Variants in FXYD6 observed in about 807,000 individuals in gnomAD.
FXYD6 encodes FXYD domain containing ion transport regulator 6, also known as FXYD domain-containing ion transport regulator 6.
A neutral mutation model predicts 16.7 loss-of-function variants in FXYD6; 7 were observed. The observed-to-expected ratio is 0.42, with a 90% CI of 0.24 to 0.79. FXYD6 has a LOEUF of 0.79. Among genes scored for constraint, FXYD6 ranks in the 30% least tolerant of loss-of-function variants. The probability of loss-of-function intolerance (pLI) is 0.28; values close to 1 mark genes in which losing one functional copy is unlikely to be tolerated. For missense variants in FXYD6, 111 were observed against 116.2 expected, an observed-to-expected ratio of 0.95 and a Z score of 0.21; for synonymous variants, 49 against 43.0, an observed-to-expected ratio of 1.14 and a Z score of -0.54.
intron 1 of FXYD6, among the ~76,000 whole-genome samples, chr11:117,875,967 C>A (rs2057252427): frequency 6.6e-6 from 1 of 152,144 alleles, no homozygotes; most frequent in African/African-American, 2.4e-5. Flanking sequence ...TGGCGGACCC[C>A]AGGGCCCCCC....
At chr11:117,849,783 G>A (rs964095155) in intron 1 of FXYD6, among the ~76,000 whole-genome samples, 1 of 152,094 alleles carries the variant, frequency 6.6e-6, no homozygotes, top group African/African-American at 2.4e-5. Context: ...CCTCGCCACT[G>A]CATGCTGAAA....
chr11:117,850,560 T>C (rs2056585895), intron 1 of FXYD6, among the ~76,000 whole-genome samples: 1 of 152,276 alleles, frequency 6.6e-6, no homozygotes. Context: ...TTGTGACTAT[T>C]GATGTAGTTG....
At position 117,867,208 on chromosome 11, in the gene FXYD6, T is replaced by G. The variant is rs60296657; in HGVS notation, c.-6+9384A>C. 0.02 allele frequency among the ~76,000 whole-genome samples: 3,025 copies of G among 152,000 alleles called. 232 individuals are homozygous for G. The East Asian group carries it at 0.23, about 12-fold the overall frequency. ...TCCAGTAACCAAGTTAACAAATATT[T>G]ATTGATGGCCTAATGCTTTCCAGCA... On this transcript the variant is annotated intron_variant, in intron 1 of 7. Transcript: ENST00000526014.
At chr11:117,857,773 A>G (rs2134174863) in intron 1 of FXYD6, among the ~76,000 whole-genome samples, 1 of 152,190 alleles carries the variant, frequency 6.6e-6, no homozygotes, top group Non-Finnish European at 1.5e-5. Context: ...ATAGGGGGAG[A>G]GTGGTCTGAT....
At chr11:117,866,332 G>T (rs1419096591) in intron 1 of FXYD6, among the ~76,000 whole-genome samples, 1 of 152,090 alleles carries the variant, frequency 6.6e-6, no homozygotes, top group Non-Finnish European at 1.5e-5. Flanking sequence ...AAAAAACTGG[G>T]GGGGAAATGG....
chr11:117,838,634 C>A lies in FXYD6; in HGVS notation c.*22-357G>T, dbSNP rs1003455332. ...TGCCTCCTCTGAGCCTTCCCAGATT[C>A]TCAGTCTGTGATGAAATAGACAGAA... On this transcript the variant is annotated intron_variant, in intron 7 of 7. Transcript: ENST00000526014. 3.3e-5 allele frequency: 9 copies of A among 271,492 alleles called. No individual in the cohort carries two copies. In the East Asian group the frequency reaches 7.3e-4, roughly 22 times the overall value. The allele number at this position is 271,492 out of a possible 1,614,324, so 16.8% of individuals were successfully genotyped here. A position where few individuals can be genotyped will look rare whatever the true frequency, so the allele number is the denominator to read the frequency against.
intron 1 of FXYD6, among the ~76,000 whole-genome samples, chr11:117,865,893 G>C (rs1228006914): frequency 2.7e-5 from 4 of 150,938 alleles, no homozygotes; most frequent in African/African-American, 9.8e-5. Context: ...TTGCACTCCA[G>C]CCTGGGCGAC....
chr11:117,859,069 C>T (rs1164778378), intron 1 of FXYD6, among the ~76,000 whole-genome samples: 1 of 152,144 alleles, frequency 6.6e-6, no homozygotes, highest in Non-Finnish European at 1.5e-5. Flanking sequence ...AGCCACCACT[C>T]CCGGCCGATT....
intron 1 of FXYD6, among the ~76,000 whole-genome samples, chr11:117,858,491 C>A (rs1324840014): frequency 1.3e-5 from 2 of 152,050 alleles, no homozygotes; most frequent in African/African-American, 4.8e-5. Context: ...GGGGTAAGGA[C>A]CACACTCAGC....
chr11:117,875,046 G>T (rs904403459), intron 1 of FXYD6, among the ~76,000 whole-genome samples: 4 of 152,148 alleles, frequency 2.6e-5, no homozygotes, highest in African/African-American at 9.7e-5. Flanking sequence ...GGATAAGGAA[G>T]GAAACTGCCC....
intron 1 of FXYD6, among the ~76,000 whole-genome samples, chr11:117,852,267 A>G (rs1478641942): frequency 6.6e-6 from 1 of 152,258 alleles, no homozygotes; most frequent in Non-Finnish European, 1.5e-5. Context: ...AATTCAGCTA[A>G]GCTGTGCCAG....
intron 1 of FXYD6, among the ~76,000 whole-genome samples, chr11:117,853,349 T>G (rs886778125): frequency 6.6e-6 from 1 of 152,268 alleles, no homozygotes; most frequent in Non-Finnish European, 1.5e-5. Context: ...CTTGGCTTCA[T>G]GCAGGTAGTC....
chr11:117,851,225 A>C (rs1042557685), intron 1 of FXYD6, among the ~76,000 whole-genome samples: 5 of 152,212 alleles, frequency 3.3e-5, no homozygotes, highest in Admixed American at 1.3e-4. Flanking sequence ...ATATGGCAGA[A>C]GTAATGGTAT....
At position 117,858,715 on chromosome 11, in the gene FXYD6, CCTTCCT is replaced by C. The variant is rs1565323867; in HGVS notation, c.-5-15940_-5-15935del. Among the ~76,000 whole-genome samples, 45 of 99,468 alleles carry C rather than the reference CCTTCCT, an allele frequency of 4.5e-4. 2 individuals carry two copies. The highest frequency in any genetic ancestry group is 1.6e-3 in the African/African-American group (41 of 25,610). 65.3% of individuals were successfully genotyped at this position (99,468 alleles called of 152,430 possible). ...TCTTTCTTTCTTTCTCTCTCTCTCT[CCTTCCT>C]TCCCTTCCTTCCTTCCTTCCTTCCT... is the stretch of plus-strand genomic sequence containing the variant. On this transcript the variant is annotated intron_variant, in intron 1 of 7. Transcript: ENST00000526014.
intron 1 of FXYD6, among the ~76,000 whole-genome samples, chr11:117,862,795 T>G (rs900268363): frequency 3.3e-5 from 5 of 152,168 alleles, no homozygotes; most frequent in Non-Finnish European, 4.4e-5. Context: ...CTCCTTGGGT[T>G]GAGGAGGTCA....
chr11:117,871,644 CAAT>C (rs1369682391), intron 1 of FXYD6, among the ~76,000 whole-genome samples: 1 of 152,144 alleles, frequency 6.6e-6, no homozygotes, highest in Non-Finnish European at 1.5e-5. Flanking sequence ...GATGATATAA[CAAT>C]AATAATGCCA....
chr11:117,853,858 C>T lies in FXYD6; in HGVS notation c.-5-11077G>A, dbSNP rs535649745. Among the ~76,000 whole-genome samples, 15 of 152,112 alleles carry T rather than the reference C, an allele frequency of 9.9e-5. 1 individual carries two copies. The highest frequency in any genetic ancestry group is 2.6e-4 in the Admixed American group (4 of 15,284). ...GTAGTGTTTGGTGTGGGGAGAGTAA[C>T]GGTGACTTAAGATTGGATGATTTTC... On this transcript the variant is annotated intron_variant, in intron 1 of 7. Coordinates refer to ENST00000526014, the MANE Select transcript of FXYD6 (RefSeq NM_022003.4).
intron 1 of FXYD6, chr11:117,868,815 C>A (rs1202861870): frequency 6.6e-6 from 1 of 152,182 alleles, no homozygotes; most frequent in Non-Finnish European, 1.5e-5. Context: ...AAAAGATAGT[C>A]TATTCGTAGA....
chr11:117,860,719 T>G (rs562822583), intron 1 of FXYD6, among the ~76,000 whole-genome samples: 1 of 152,218 alleles, frequency 6.6e-6, no homozygotes, highest in Non-Finnish European at 1.5e-5. Flanking sequence ...TCAAGTGAGA[T>G]AATAGGTGTG....
Sources: allele counts gnomAD v4.1 joint callset (sites outside exome capture counted in the v4.1 genomes callset), GRCh38; gene constraint gnomAD v4.1.1; transcripts MANE v1.5; gene names NCBI Gene and HGNC (gene_info 2026-07-23, HGNC 2026-07-21).